Variants in NETO2 observed in about 807,000 individuals in gnomAD.
NETO2 encodes the protein neuropilin and tolloid like 2.
Under a neutral mutation model 62.5 loss-of-function variants are expected in NETO2, and 28 were observed. The observed-to-expected ratio is 0.45, with a 90% confidence interval of 0.33 to 0.61. The LOEUF (loss-of-function observed/expected upper bound fraction) is 0.61. Among genes scored for constraint, NETO2 ranks in the 20% least tolerant of loss-of-function variants. The pLI is 0.02. For synonymous variants in NETO2, 214 were observed against 219.1 expected (o/e 0.98, Z 0.21); for missense variants, 548 against 643.2 (o/e 0.85, Z 1.60).
In NETO2 at chr16:47,128,335, T is replaced by G. The variant is rs753787351; in HGVS notation, c.471A>C (p.Ser157=). ...LEGLGFRAKY[S]FIPDPDFTYL... is the part of the protein sequence containing the mutation. ...TAACTTATTCTTTACCTGGAATAAA[T>G]GAATATTTTGCTCGAAATCCCAGTC... Residue 157 remains serine (S), a synonymous_variant, in exon 4 of 9, where the codon TCA becomes TCC. Transcript: ENST00000562435. 6.2e-7 allele frequency: 1 copy of G among 1,613,216 alleles called. No individual in the cohort carries two copies. The highest frequency in any genetic ancestry group is 1.1e-5 in the South Asian group (1 of 90,918).
rs1261414157 is a variant in NETO2 at position 47,115,697 on chromosome 16, T to TTA, written c.655-5988_655-5987dup. Among the ~76,000 whole-genome samples, 250 of 117,810 alleles carry TTA rather than the reference T, an allele frequency of 2.1e-3. 1 individual carries two copies. Among genetic ancestry groups the TTA allele is most frequent in the African/African-American group, 7.5e-3 (148 of 19,840 alleles). 77.3% of individuals were successfully genotyped at this position (117,810 alleles called of 152,430 possible). On this transcript the variant is annotated intron_variant, in intron 6 of 8. Coordinates refer to ENST00000562435, the MANE Select transcript of NETO2 (RefSeq NM_018092.5). ...TGCAGCCACCATGCCCGGCTAATTT[T>TTA]TATATATATATATATACATATATAT...
chr16:47,118,857 C>T (rs1342403662), intron 6 of NETO2, among the ~76,000 whole-genome samples: 1 of 152,140 alleles, frequency 6.6e-6, no homozygotes, highest in Non-Finnish European at 1.5e-5. Context: ...TATTATCAAA[C>T]CAAACAAATA....
Position 47,078,297 on chromosome 16 carries a change from G to A in NETO2, c.*4924C>T, listed in dbSNP as rs1963011359. The A allele has an allele frequency of 6.6e-6, 1 of 152,184 alleles. No individual in the cohort carries two copies. Among genetic ancestry groups the A allele is most frequent in the Non-Finnish European group, 1.5e-5 (1 of 68,034 alleles). The allele number at this position is 152,184 out of a possible 1,614,324, so 9.4% of individuals were successfully genotyped here. A position where few individuals can be genotyped will look rare whatever the true frequency, so the allele number is the denominator to read the frequency against. ...TTGCCACTTCTAGACTTTAGAAATTGAGGCAAGCAAGGAAATCAGAACAAG... is the reference window on the plus strand; with the variant it reads ...TTGCCACTTCTAGACTTTAGAAATTAAGGCAAGCAAGGAAATCAGAACAAG... On this transcript the variant is annotated 3_prime_UTR_variant, in exon 9 of 9. Coordinates refer to ENST00000562435, the MANE Select transcript of NETO2 (RefSeq NM_018092.5).
At chr16:47,138,976 G>A (rs554066392) in intron 1 of NETO2, among the ~76,000 whole-genome samples, 2 of 152,190 alleles carry the variant, frequency 1.3e-5, no homozygotes, top group Non-Finnish European at 2.9e-5. Context: ...TGTTGTTCAG[G>A]TCTTGTGAGG....
intron 7 of NETO2, among the ~76,000 whole-genome samples, chr16:47,088,197 C>T (rs1345613340): frequency 4.6e-5 from 7 of 152,128 alleles, no homozygotes; most frequent in Non-Finnish European, 8.8e-5. Context: ...CTTTGCCTCC[C>T]AGGTTCAAGC....
rs569727493 is a variant in NETO2 at position 47,100,516 on chromosome 16, T to C, written c.883+8967A>G. ...AAACAAAAGCAATGAGTCCAGGAGCTGGTTTTTTGAAAAGATTAACAAAAT... is the reference window on the plus strand; with the variant it reads ...AAACAAAAGCAATGAGTCCAGGAGCCGGTTTTTTGAAAAGATTAACAAAAT... On this transcript the variant is annotated intron_variant, in intron 7 of 8. Coordinates refer to ENST00000562435, the MANE Select transcript of NETO2 (RefSeq NM_018092.5). Among the ~76,000 whole-genome samples the C allele has an allele frequency of 1.5e-3, 229 of 150,222 alleles. 2 individuals carry two copies. Among genetic ancestry groups the C allele is most frequent in the African/African-American group, 5.4e-3 (220 of 41,112 alleles).
intron 7 of NETO2, among the ~76,000 whole-genome samples, chr16:47,103,071 A>G (rs989499857): frequency 6.6e-6 from 1 of 152,228 alleles, no homozygotes; most frequent in Non-Finnish European, 1.5e-5. Context: ...CTGGATAAAG[A>G]AAATGTGGCA....
intron 3 of NETO2, 121 bp from the exon 4 acceptor site, chr16:47,128,694 T>G: frequency 9.9e-7 from 1 of 1,008,416 alleles, no homozygotes; most frequent in East Asian, 2.4e-5. Context: ...AAGGTCTTAG[T>G]GAGAATTGCT....
At chr16:47,143,016 C>G (rs1487691667) in intron 1 of NETO2, among the ~76,000 whole-genome samples, 1 of 151,838 alleles carries the variant, frequency 6.6e-6, no homozygotes, top group African/African-American at 2.4e-5. Context: ...CCCCGGAGCC[C>G]GCAGTGGTGC....
At chr16:47,128,193 T>C in intron 4 of NETO2, 132 bp downstream of exon 4, 1 of 1,141,890 alleles carries the variant, frequency 8.8e-7, no homozygotes. Context: ...TAATTTCCCT[T>C]TGACTTTGCT....
At chr16:47,119,681 C>T (rs996156916) in intron 6 of NETO2, among the ~76,000 whole-genome samples, 6 of 151,490 alleles carry the variant, frequency 4.0e-5, no homozygotes, top group Admixed American at 2.0e-4. Context: ...TTAGCTGTAC[C>T]GCAGTTTTTT....
chr16:47,142,723 A>T (rs74451893), intron 1 of NETO2, among the ~76,000 whole-genome samples: 2 of 152,364 alleles, frequency 1.3e-5, no homozygotes, highest in East Asian at 1.9e-4. Flanking sequence ...TTTCAGGAGC[A>T]ACTTTGTATC....
At chr16:47,120,965 C>A (rs987011092) in intron 6 of NETO2, among the ~76,000 whole-genome samples, 1 of 151,854 alleles carries the variant, frequency 6.6e-6, no homozygotes, top group East Asian at 1.9e-4. Context: ...TGGAGGGAGG[C>A]GCACGTCACA....
intron 6 of NETO2, among the ~76,000 whole-genome samples, chr16:47,112,366 T>C (rs1025459976): frequency 2.0e-5 from 3 of 152,220 alleles, no homozygotes; most frequent in Admixed American, 6.5e-5. Flanking sequence ...TGTTTGTTTG[T>C]TTTCTTTTTT....
In NETO2 at chr16:47,083,795, T is replaced by G; in HGVS notation, c.1004A>C (p.Lys335Thr). Residue 335 changes from lysine (K) to threonine (T), a missense_variant, in exon 9 of 9, where the codon AAA (lysine) becomes ACA (threonine). By Grantham distance (78) the Lys-to-Thr change is moderately conservative. Transcript: ENST00000562435. ...PWDENHCKEKKKAGVFEQITK... is the reference protein window; with the variant it reads ...PWDENHCKEKTKAGVFEQITK... ...GATTTGTTCAAATACTCCTGCTTTT[T>G]TCTTTTCTGCAGAAAGAAAATGAGA... The G allele has an allele frequency of 6.4e-7, 1 of 1,574,452 alleles. No homozygotes were observed. The highest frequency in any genetic ancestry group is 8.6e-7 in the Non-Finnish European group (1 of 1,159,118).
At chr16:47,133,753 A>AT (rs1312045575) in intron 1 of NETO2, among the ~76,000 whole-genome samples, 4 of 152,202 alleles carry the variant, frequency 2.6e-5, no homozygotes, top group Non-Finnish European at 5.9e-5. Flanking sequence ...CTACAGCAGT[A>AT]TAGTAGGTTA....
rs1963024380 is a variant in NETO2, at chr16:47,079,411, CGGTGAAACCCCGTCTCT to C, written c.*3793_*3809del. On this transcript the variant is annotated 3_prime_UTR_variant, in exon 9 of 9. Transcript: ENST00000562435. ...GAGATTGAGACTATCCTGGCTAACACGGTGAAACCCCGTCTCTACTAAAAATACAAGAAATTAGCCGG... is the reference window on the plus strand; with the variant it reads ...GAGATTGAGACTATCCTGGCTAACACACTAAAAATACAAGAAATTAGCCGG... 1 of 144,462 alleles carries C rather than the reference CGGTGAAACCCCGTCTCT, an allele frequency of 6.9e-6. No homozygotes were observed. 8.9% of individuals were successfully genotyped at this position (144,462 alleles called of 1,614,324 possible). A position where few individuals can be genotyped will look rare whatever the true frequency, so the allele number is the denominator to read the frequency against.
At chr16:47,108,983 C>A (rs1163325982) in intron 7 of NETO2, among the ~76,000 whole-genome samples, 1 of 152,176 alleles carries the variant, frequency 6.6e-6, no homozygotes, top group Non-Finnish European at 1.5e-5. Context: ...ATTAATACTA[C>A]TACTAAGTTA....
chr16:47,122,026 C>A lies in NETO2; in HGVS notation c.654+631G>T, dbSNP rs558746138. Among the ~76,000 whole-genome samples the A allele has an allele frequency of 8.5e-5, 13 of 152,096 alleles. 1 individual carries two copies. The South Asian group carries it at 2.7e-3, about 32-fold the overall frequency. On this transcript the variant is annotated intron_variant, in intron 6 of 8. Coordinates refer to ENST00000562435, the MANE Select transcript of NETO2 (RefSeq NM_018092.5). ...ATTCTTGAGAGGTATGTTTTCCCAC[C>A]CTCACTCTCTCCTCTTTTCCCTCTT...
Sources: gnomAD v4.1 joint callset for allele counts (sites outside exome capture counted in the v4.1 genomes callset) on GRCh38, gnomAD v4.1.1 for gene constraint, MANE v1.5 for transcripts, NCBI Gene and HGNC (gene_info 2026-07-23, HGNC 2026-07-21) for gene names.